The following LPP variants were observed in gnomAD, a reference collection of about 807,000 sequenced individuals.
LPP encodes lipoma-preferred partner.
Under a neutral mutation model 60.4 loss-of-function variants are expected in LPP, and 38 were observed. The observed-to-expected ratio is 0.63, with a 90% confidence interval of 0.49 to 0.83. The LOEUF is 0.83. Among genes scored for constraint, LPP ranks in the 40% least tolerant of loss-of-function variants. LPP has a pLI of 0.00. For missense variants in LPP, 902 were observed against 783.6 expected, an observed-to-expected ratio of 1.15 and a Z score of -1.80; for synonymous variants, 328 against 290.8, an observed-to-expected ratio of 1.13 and a Z score of -1.30.
At chr3:188,814,414 C>T (rs1390180349) in intron 9 of LPP, among the ~76,000 whole-genome samples, 1 of 152,164 alleles carries the variant, frequency 6.6e-6, no homozygotes, top group Non-Finnish European at 1.5e-5. Flanking sequence ...AATGTTAAAT[C>T]TCCCTTCCCC....
At chr3:188,538,587 A>T (rs1340574366) in intron 6 of LPP, among the ~76,000 whole-genome samples, 3 of 152,196 alleles carry the variant, frequency 2.0e-5, no homozygotes, top group African/African-American at 4.8e-5. Flanking sequence ...TTGCTGGTGG[A>T]TTGTAAAATG....
At chr3:188,199,503 C>T (rs1252917001) in intron 1 of LPP, among the ~76,000 whole-genome samples, 2 of 151,964 alleles carry the variant, frequency 1.3e-5, no homozygotes, top group Admixed American at 6.5e-5. Context: ...ATGCAGCAGG[C>T]GCACCTGTAT....
At chr3:188,293,801 A>G (rs1279880920) in intron 2 of LPP, among the ~76,000 whole-genome samples, 1 of 152,180 alleles carries the variant, frequency 6.6e-6, no homozygotes, top group African/African-American at 2.4e-5. Context: ...ACCATGGCTC[A>G]TGCTTGTAAT....
At chr3:188,495,532 G>A (rs1579351118) in intron 5 of LPP, among the ~76,000 whole-genome samples, 1 of 151,988 alleles carries the variant, frequency 6.6e-6, no homozygotes, top group East Asian at 1.9e-4. Flanking sequence ...GAGAGAATGT[G>A]GATACTCTTA....
At chr3:188,347,274 G>A (rs1420972271) in intron 3 of LPP, among the ~76,000 whole-genome samples, 1 of 152,180 alleles carries the variant, frequency 6.6e-6, no homozygotes, top group Non-Finnish European at 1.5e-5. Flanking sequence ...TACAGAGAAT[G>A]TGTACTATGG....
chr3:188,824,909 G>A (rs1189654667), intron 9 of LPP, among the ~76,000 whole-genome samples: 1 of 152,118 alleles, frequency 6.6e-6, no homozygotes, highest in African/African-American at 2.4e-5. Flanking sequence ...CTCAAGTAGG[G>A]TGGGATATTG....
rs1330693499 is a variant in LPP at position 188,640,283 on chromosome 3, C to G, written c.1113+30439C>G. Among the ~76,000 whole-genome samples the G allele has an allele frequency of 5.3e-5, 8 of 150,206 alleles. No homozygotes were observed. In the East Asian group the frequency reaches 1.4e-3, roughly 26 times the overall value. ...TATCGCAAGAACAAAAAACCAAACA[C>G]CACATATTCTCACTTATAGGTGGGA... On this transcript the variant is annotated intron_variant, in intron 7 of 11. Transcript: ENST00000617246.
intron 9 of LPP, among the ~76,000 whole-genome samples, chr3:188,821,762 A>T (rs1341275134): frequency 6.6e-6 from 1 of 152,002 alleles, no homozygotes; most frequent in Non-Finnish European, 1.5e-5. Context: ...ATCTTCCCAG[A>T]TATATTTTCT....
At chr3:188,537,429 C>G (rs747193306) in intron 6 of LPP, among the ~76,000 whole-genome samples, 45 of 152,172 alleles carry the variant, frequency 3.0e-4, no homozygotes, top group Non-Finnish European at 5.4e-4. Flanking sequence ...TTAACAGTGG[C>G]TTTCTGAGAA....
At chr3:188,431,790 A>G (rs949745750) in intron 4 of LPP, among the ~76,000 whole-genome samples, 11 of 152,194 alleles carry the variant, frequency 7.2e-5, no homozygotes, top group East Asian at 1.9e-4. Flanking sequence ...GTACAAAAGT[A>G]TGATTCAACT....
At chr3:188,379,172 G>C (rs909687833) in intron 3 of LPP, among the ~76,000 whole-genome samples, 1 of 152,014 alleles carries the variant, frequency 6.6e-6, no homozygotes, top group Non-Finnish European at 1.5e-5. Flanking sequence ...ACACAAGTTT[G>C]GTTTTGTCTG....
chr3:188,348,598 A>G (rs1765018690), intron 3 of LPP, among the ~76,000 whole-genome samples: 1 of 152,218 alleles, frequency 6.6e-6, no homozygotes, highest in Non-Finnish European at 1.5e-5. Flanking sequence ...CTTCATCTTG[A>G]CAGTTGTAAG....
intron 7 of LPP, among the ~76,000 whole-genome samples, chr3:188,641,652 C>A (rs1331964144): frequency 6.6e-6 from 1 of 152,172 alleles, no homozygotes; most frequent in Non-Finnish European, 1.5e-5. Flanking sequence ...CTTTGGATTG[C>A]CATTAAAATA....
chr3:188,348,378 C>T (rs1005969792), intron 3 of LPP, among the ~76,000 whole-genome samples: 8 of 152,046 alleles, frequency 5.3e-5, no homozygotes, highest in Non-Finnish European at 1.2e-4. Flanking sequence ...AAACTCCTGA[C>T]CTCAGGTGAT....
Position 188,882,888 on chromosome 3 carries a change from G to A in LPP, c.*8409G>A, listed in dbSNP as rs371360593. The stretch of plus-strand genomic sequence containing the variant: ...CGAGTAGCTGGGACTACAGACGCCC[G>A]CCACCGCGCCCAGCTAATTTTTTTT... On this transcript the variant is annotated 3_prime_UTR_variant, in exon 12 of 12. Transcript: ENST00000617246. 1.5e-3 allele frequency: 277 copies of A among 181,312 alleles called. 3 individuals are homozygous for A. The highest frequency in any genetic ancestry group is 0.011 in the Admixed American group (168 of 15,918). The allele number at this position is 181,312 out of a possible 1,614,324, so 11.2% of individuals were successfully genotyped here.
At chr3:188,466,358 T>C (rs73052738) in intron 4 of LPP, among the ~76,000 whole-genome samples, 2,325 of 152,228 alleles carry the variant, frequency 0.015, 58 homozygotes, top group African/African-American at 0.052. Context: ...TTTCTGGCTA[T>C]ACCTATTAAA....
chr3:188,665,740 C>T (rs560738737), intron 7 of LPP, among the ~76,000 whole-genome samples: 2 of 152,302 alleles, frequency 1.3e-5, no homozygotes, highest in African/African-American at 4.8e-5. Context: ...GGATTACAGG[C>T]ATGAGCCACC....
At chr3:188,854,768 G>A (rs749100297) in intron 9 of LPP, among the ~76,000 whole-genome samples, 1 of 152,166 alleles carries the variant, frequency 6.6e-6, no homozygotes, top group Non-Finnish European at 1.5e-5. Context: ...GACCCTAGTT[G>A]TTTGGCTCAG....
At chr3:188,405,465 A>C (rs931380887) in intron 3 of LPP, among the ~76,000 whole-genome samples, 7 of 152,076 alleles carry the variant, frequency 4.6e-5, no homozygotes, top group African/African-American at 1.7e-4. Flanking sequence ...CTAAACGTAA[A>C]TGCTGTGTAC....
Sources: allele counts gnomAD v4.1 joint callset (sites outside exome capture counted in the v4.1 genomes callset), GRCh38; gene constraint gnomAD v4.1.1; transcripts MANE v1.5; gene names NCBI Gene and HGNC (gene_info 2026-07-23, HGNC 2026-07-21).